Variants in NRAP observed in about 807,000 individuals in gnomAD.
The protein encoded by NRAP is nebulin related anchoring protein.
Under a neutral mutation model 225.9 loss-of-function variants are expected in NRAP, and 189 were observed. The observed-to-expected ratio is 0.84, with a 90% CI of 0.74 to 0.94. The LOEUF is 0.94. NRAP is among the 40% of genes least tolerant of loss of function. The pLI, the probability that NRAP is intolerant of heterozygous loss-of-function variation, is 0.00. For missense variants in NRAP, 2,176 were observed against 2,168.7 expected, an observed-to-expected ratio of 1.00 and a Z score of -0.07; for synonymous variants, 769 against 790.7, an observed-to-expected ratio of 0.97 and a Z score of 0.46.
intron 3 of NRAP, 135 bp from the exon 4 acceptor site, chr10:113,657,709 A>C (rs1279927002): frequency 1.5e-6 from 1 of 658,930 alleles, no homozygotes; most frequent in Non-Finnish European, 2.7e-6. Flanking sequence ...TGCAAGGCAC[A>C]CTGTGCTGTC....
rs543627940 is a variant in NRAP at position 113,607,399 on chromosome 10, C to CAA, written c.3702+1013_3702+1014dup. 2.8e-4 allele frequency among the ~76,000 whole-genome samples: 19 copies of CAA among 68,590 alleles called. 1 individual carries two copies. Among genetic ancestry groups the CAA allele is most frequent in the Admixed American group, 4.0e-4 (2 of 4,952 alleles). 45.0% of individuals were successfully genotyped at this position (68,590 alleles called of 152,430 possible). ...CCTGGGTGAAAGAGCGAAACTCCGT[C>CAA]AAAAAAAAAAAAAAAAAAAAAAAAA... On this transcript the variant is annotated intron_variant, in intron 32 of 41. Coordinates refer to ENST00000359988, the MANE Select transcript of NRAP (RefSeq NM_198060.4).
intron 12 of NRAP, 83 bp downstream of exon 12, chr10:113,642,851 T>TC: frequency 1.3e-6 from 1 of 758,010 alleles, no homozygotes; most frequent in Non-Finnish European, 2.4e-6. Context: ...ATAGATCCAT[T>TC]CCCATAGACT....
At chr10:113,631,744 T>A in intron 17 of NRAP, 113 bp downstream of exon 17, 1 of 889,938 alleles carries the variant, frequency 1.1e-6, no homozygotes, top group South Asian at 1.5e-5. Context: ...AGAAGAAGAT[T>A]AAAGTATTGC....
At chr10:113,605,082 CA>C (rs1238410414) in intron 34 of NRAP, among the ~76,000 whole-genome samples, 162 bp from the exon 35 acceptor site, 2 of 152,194 alleles carry the variant, frequency 1.3e-5, no homozygotes, top group African/African-American at 4.8e-5. Context: ...ACAATTAAAA[CA>C]TCGCTCCATT....
Position 113,650,030 on chromosome 10 carries a change from C to T in NRAP, c.888+7G>A. 5.3e-6 allele frequency: 8 copies of T among 1,514,036 alleles called. No homozygotes were observed. The highest frequency in any genetic ancestry group is 7.3e-6 in the Non-Finnish European group (8 of 1,088,944). 93.8% of individuals were successfully genotyped at this position (1,514,036 alleles called of 1,614,324 possible). On this transcript the variant is annotated splice_region_variant and intron_variant, in intron 9 of 41. Coordinates refer to ENST00000359988, the MANE Select transcript of NRAP (RefSeq NM_198060.4). ...AGAGCAGGTCAGGAGATCATTTTAT[C>T]ACATACCTGGCCATATTGGTCTGCA...
chr10:113,591,410 G>A (rs895676196), intron 39 of NRAP, among the ~76,000 whole-genome samples: 1 of 152,330 alleles, frequency 6.6e-6, no homozygotes, highest in South Asian at 2.1e-4. Context: ...CATGTGGCTA[G>A]TATGTAGCAG....
rs961785527 is a variant in NRAP, at chr10:113,598,004, C to T, written c.4297G>A (p.Glu1433Lys). The change falls in exon 36 of 42, where the codon GAG becomes AAG. Residue 1433 changes from glutamate (E) to lysine (K), a missense_variant. Physicochemically the swap from Glu to Lys is moderately conservative, Grantham distance 56 (BLOSUM62 1). Transcript: ENST00000359988. ...GWLALRSPQM[E>K]SAKKAGELIS... ...AGTTCTCCAGCCTTCTTTGCACTCT[C>T]CATCTGTGGGGATCTCAGCGCCAGC... 2 of 1,613,796 alleles carry T rather than the reference C, an allele frequency of 1.2e-6. No homozygotes were observed. Among genetic ancestry groups the T allele is most frequent in the South Asian group, 1.1e-5 (1 of 91,044 alleles).
At chr10:113,621,797 G>T in intron 24 of NRAP, 72 bp downstream of exon 24, 15 of 1,430,826 alleles carry the variant, frequency 1.0e-5, no homozygotes, top group Non-Finnish European at 1.4e-5. Flanking sequence ...AATGGCTTAG[G>T]GAAACACTTG....
At chr10:113,626,400 C>A (rs999996871) in intron 20 of NRAP, among the ~76,000 whole-genome samples, 1 of 152,274 alleles carries the variant, frequency 6.6e-6, no homozygotes. Flanking sequence ...TCACCGTGTG[C>A]CCTGGGGAGG....
At chr10:113,635,838 A>G (rs913847355) in intron 14 of NRAP, among the ~76,000 whole-genome samples, 32 of 152,194 alleles carry the variant, frequency 2.1e-4, no homozygotes, top group African/African-American at 6.5e-4. Flanking sequence ...CCTTTCATTC[A>G]TCCACTTGCC....
chr10:113,648,467 C>CTATATA (rs1554867329), intron 9 of NRAP, among the ~76,000 whole-genome samples: 1,091 of 87,290 alleles, frequency 0.012, 18 homozygotes, highest in Non-Finnish European at 0.015. Flanking sequence ...CTCTCTCTCT[C>CTATATA]TATATATATA....
At chr10:113,623,831 G>A (rs1022013850) in intron 22 of NRAP, among the ~76,000 whole-genome samples, 195 bp from the exon 23 acceptor site, 1 of 151,992 alleles carries the variant, frequency 6.6e-6, no homozygotes, top group Admixed American at 6.6e-5. Flanking sequence ...TAACACATAG[G>A]GCTTCAATCA....
chr10:113,617,564 GA>G lies in NRAP; in HGVS notation c.2875-12del. 3 of 1,533,736 alleles carry G rather than the reference GA, an allele frequency of 2.0e-6. No individual in the cohort carries two copies. Among genetic ancestry groups the G allele is most frequent in the Non-Finnish European group, 2.7e-6 (3 of 1,106,678 alleles). On this transcript the variant is annotated splice_polypyrimidine_tract_variant and intron_variant, in intron 25 of 41. Coordinates refer to ENST00000359988, the MANE Select transcript of NRAP (RefSeq NM_198060.4). ...CTGACGGTACTTCTTCTGTTGAGCA[GA>G]AAAAGATCAAAGCTGTGAATTTTGT...
At chr10:113,622,383 T>C (rs546840415) in intron 23 of NRAP, among the ~76,000 whole-genome samples, 13 of 152,298 alleles carry the variant, frequency 8.5e-5, no homozygotes, top group Non-Finnish European at 1.2e-4. Context: ...TATTTCCCTT[T>C]TCACCTCAGC....
chr10:113,638,973 A>C (rs924577328), intron 14 of NRAP, among the ~76,000 whole-genome samples: 7 of 152,094 alleles, frequency 4.6e-5, no homozygotes, highest in African/African-American at 1.7e-4. Context: ...ATGGAAGTAC[A>C]TCTTGCACTC....
intron 7 of NRAP, among the ~76,000 whole-genome samples, chr10:113,651,486 C>T (rs1849962579): frequency 6.6e-6 from 1 of 152,088 alleles, no homozygotes; most frequent in Non-Finnish European, 1.5e-5. Context: ...CTGATGCTGT[C>T]CCTCCCCTCA....
intron 30 of NRAP, 79 bp downstream of exon 30, chr10:113,612,155 G>C: frequency 8.7e-7 from 1 of 1,153,614 alleles, no homozygotes; most frequent in Non-Finnish European, 1.3e-6. Flanking sequence ...ATTTCACTGA[G>C]CCAACAGGAG....
chr10:113,641,331 C>A (rs1401886077), intron 13 of NRAP, 34 bp downstream of exon 13: 2 of 1,318,740 alleles, frequency 1.5e-6, no homozygotes, highest in East Asian at 2.3e-5. Flanking sequence ...CTGCCCCACT[C>A]CATCCCAACA....
Position 113,622,072 on chromosome 10 carries a change from T to C in NRAP, c.2566A>G (p.Ser856Gly), listed in dbSNP as rs769822550. The change falls in exon 24 of 42, where the codon AGT (serine) becomes GGT (glycine). Residue 856 changes from serine to glycine, a missense_variant. Transcript: ENST00000359988. ...SHSLQMSKLQ[S>G]ELEYKKGFED... The stretch of plus-strand genomic sequence containing the variant: ...AATCCCTTCTTGTACTCCAGCTCAC[T>C]CTGCAGCTTGGACATTTGCAGTGAG... The C allele has an allele frequency of 7.4e-6, 12 of 1,614,078 alleles. No individual in the cohort carries two copies. In the Admixed American group the frequency reaches 1.5e-4, roughly 20 times the overall value.
Sources: allele counts gnomAD v4.1 joint callset (sites outside exome capture counted in the v4.1 genomes callset), GRCh38; gene constraint gnomAD v4.1.1; transcripts MANE v1.5; gene names NCBI Gene and HGNC (gene_info 2026-07-23, HGNC 2026-07-21).